The following OPRM1 variants were observed in gnomAD, a reference collection of about 807,000 sequenced individuals.
The protein encoded by OPRM1 is mu-type opioid receptor.
In OPRM1, 27 loss-of-function variants were observed where a neutral mutation model predicts 31.8. That is an observed-to-expected ratio of 0.85 (90% CI 0.63 to 1.17). The LOEUF (loss-of-function observed/expected upper bound fraction) is 1.17. OPRM1 is among the 50% of genes most tolerant of loss of function. OPRM1 has a pLI of 0.00. For missense variants in OPRM1, 536 were observed against 511.1 expected, an observed-to-expected ratio of 1.05 and a Z score of -0.47; for synonymous variants, 196 against 189.9, an observed-to-expected ratio of 1.03 and a Z score of -0.26.
In OPRM1 at chr6:154,026,808, T is replaced by G. The variant is rs568491799; in HGVS notation, c.1-12353T>G. 1.6e-4 allele frequency among the ~76,000 whole-genome samples: 25 copies of G among 152,160 alleles called. 1 individual carries two copies. The highest frequency in any genetic ancestry group is 1.2e-3 in the Admixed American group (19 of 15,292). ...ATTTCTGTTTTATTATTTTTAATTA[T>G]TTTAATCTCTGTTAAATTTATCTGA... On this transcript the variant is annotated intron_variant, in intron 1 of 5. Transcript: ENST00000434900.
intron 2 of OPRM1, 113 bp from the exon 3 acceptor site, chr6:154,090,839 C>A: frequency 1.1e-6 from 1 of 883,616 alleles, no homozygotes; most frequent in Non-Finnish European, 1.7e-6. Flanking sequence ...TCTTTATAGC[C>A]TTAAGTTAGC....
chr6:154,107,723 C>A, intron 3 of OPRM1: 1 of 718,496 alleles, frequency 1.4e-6, no homozygotes, highest in Non-Finnish European at 2.6e-6. Flanking sequence ...GGAGAGACTT[C>A]ATCCAGTTTT....
chr6:154,206,590 T>C (rs1744205842), intron 3 of OPRM1, among the ~76,000 whole-genome samples: 3 of 129,592 alleles, frequency 2.3e-5, no homozygotes, highest in African/African-American at 9.5e-5. Flanking sequence ...CAAAAGCAGA[T>C]TGTGATAACA....
At chr6:154,212,426 AG>A (rs1778038058) in intron 3 of OPRM1, among the ~76,000 whole-genome samples, 1 of 152,230 alleles carries the variant, frequency 6.6e-6, no homozygotes, top group African/African-American at 2.4e-5. Flanking sequence ...CACATAGGCA[AG>A]GCATTTAAAT....
intron 3 of OPRM1, among the ~76,000 whole-genome samples, chr6:154,143,080 A>AAT (rs1289569518): frequency 3.3e-5 from 5 of 152,172 alleles, no homozygotes; most frequent in African/African-American, 7.2e-5. Flanking sequence ...TCTCATTTCT[A>AAT]ATATATATAT....
intron 3 of OPRM1, chr6:154,094,126 T>G: frequency 1.3e-6 from 1 of 746,410 alleles, no homozygotes; most frequent in Non-Finnish European, 2.0e-6. Context: ...ATGTTCTGCC[T>G]TATGTATTTG....
intron 3 of OPRM1, among the ~76,000 whole-genome samples, chr6:154,096,180 C>T (rs1159651703): frequency 6.6e-6 from 1 of 152,176 alleles, no homozygotes; most frequent in Non-Finnish European, 1.5e-5. Flanking sequence ...CCTCAGCCTC[C>T]CCAGTAGCTG....
rs375049150 is a variant in OPRM1, at chr6:154,229,576, T to G, written c.1165-17117T>G. Among the ~76,000 whole-genome samples the G allele has an allele frequency of 3.9e-5, 6 of 152,108 alleles. No individual in the cohort carries two copies. The East Asian group carries it at 7.7e-4, about 20-fold the overall frequency. On this transcript the variant is annotated intron_variant, in intron 3 of 3. Transcript: ENST00000337049. ...GTTCGCCGTGTTAGCCAGGACGGTC[T>G]CGATCTCCTGACCTCATGATCTGCC...
upstream of OPRM1, among the ~76,000 whole-genome samples, chr6:154,036,784 A>G (rs1394244953): frequency 6.6e-6 from 1 of 151,828 alleles, no homozygotes; most frequent in Non-Finnish European, 1.5e-5. Context: ...TTATGCCATT[A>G]TCTGGGTATA....
intron 3 of OPRM1, among the ~76,000 whole-genome samples, chr6:154,140,709 G>A (rs1250338114): frequency 6.6e-6 from 1 of 152,134 alleles, no homozygotes; most frequent in Non-Finnish European, 1.5e-5. Flanking sequence ...AGGCCATTAT[G>A]AATCATAGAT....
intron 3 of OPRM1, among the ~76,000 whole-genome samples, chr6:154,101,271 TCTC>T (rs1340859763): frequency 1.3e-5 from 2 of 152,142 alleles, no homozygotes; most frequent in Non-Finnish European, 2.9e-5. Context: ...TCTTCATTCT[TCTC>T]TATTATATTA....
intron 3 of OPRM1, among the ~76,000 whole-genome samples, chr6:154,184,719 CAT>C (rs1801186836): frequency 6.6e-6 from 1 of 150,894 alleles, no homozygotes; most frequent in Non-Finnish European, 1.5e-5. Context: ...GTGATGAAGA[CAT>C]GTTAGCATTG....
At position 154,129,856 on chromosome 6, in the gene OPRM1, A is replaced by G. The variant is rs775887385; in HGVS notation, c.*11135A>G. ...CACCGACACCCTCCCCCCCCAGCAC[A>G]CACACACACACACACACACACACAC... On this transcript the variant is annotated 3_prime_UTR_variant, in exon 4 of 4. Coordinates refer to ENST00000330432, the MANE Select transcript of OPRM1 (RefSeq NM_000914.5). 0.055 allele frequency among the ~76,000 whole-genome samples: 5,033 copies of G among 91,542 alleles called. 114 individuals carry two copies. The highest frequency in any genetic ancestry group is 0.11 in the East Asian group (494 of 4,474). The allele number at this position is 91,542 out of a possible 152,430, so 60.1% of individuals were successfully genotyped here.
At chr6:154,206,634 T>C (rs1313853784) in intron 3 of OPRM1, among the ~76,000 whole-genome samples, 3 of 152,162 alleles carry the variant, frequency 2.0e-5, no homozygotes, top group African/African-American at 4.8e-5. Flanking sequence ...AGAAACACTA[T>C]GGGAATACAG....
At chr6:154,042,284 T>C (rs892839354) in intron 1 of OPRM1, among the ~76,000 whole-genome samples, 1 of 152,194 alleles carries the variant, frequency 6.6e-6, no homozygotes, top group African/African-American at 2.4e-5. Flanking sequence ...GCTGAGAACA[T>C]TTAACTGACT....
At chr6:154,186,844 C>A (rs1583742278) in intron 3 of OPRM1, among the ~76,000 whole-genome samples, 1 of 152,286 alleles carries the variant, frequency 6.6e-6, no homozygotes, top group African/African-American at 2.4e-5. Context: ...ACGTGAGCCA[C>A]CACGCCCGGC....
chr6:154,197,610 T>C (rs1776718031), intron 3 of OPRM1, among the ~76,000 whole-genome samples: 2 of 152,216 alleles, frequency 1.3e-5, no homozygotes, highest in Admixed American at 1.3e-4. Context: ...GGTTGCTTCA[T>C]TCTTACATTA....
chr6:154,055,407 A>C (rs696523), intron 1 of OPRM1, among the ~76,000 whole-genome samples: 29,498 of 131,296 alleles, frequency 0.22, 3,165 homozygotes, highest in African/African-American at 0.33. Context: ...ATGAATAAAC[A>C]AAAAAAAAAA....
rs898584917 is a variant in OPRM1, at chr6:154,125,309, A to T, written c.*6588A>T. On this transcript the variant is annotated 3_prime_UTR_variant, in exon 4 of 4. Transcript: ENST00000330432. ...TCATGCATCTCAATGATTTGTTGTCATCCAAAGCTATTTCATGAATCAAAT... is the reference window on the plus strand; with the variant it reads ...TCATGCATCTCAATGATTTGTTGTCTTCCAAAGCTATTTCATGAATCAAAT... 6.6e-6 allele frequency among the ~76,000 whole-genome samples: 1 copy of T among 152,210 alleles called. No homozygotes were observed. Among genetic ancestry groups the T allele is most frequent in the Admixed American group, 6.5e-5 (1 of 15,282 alleles).
Sources: gnomAD v4.1 joint callset for allele counts (sites outside exome capture counted in the v4.1 genomes callset) on GRCh38, gnomAD v4.1.1 for gene constraint, MANE v1.5 for transcripts, NCBI Gene and HGNC (gene_info 2026-07-23, HGNC 2026-07-21) for gene names.